The following PARP8 variants were observed in gnomAD, a reference collection of about 807,000 sequenced individuals.
PARP8 encodes protein mono-ADP-ribosyltransferase PARP8.
A neutral mutation model predicts 124.1 loss-of-function variants in PARP8; 51 were observed. The ratio of observed to expected loss-of-function variants is 0.41; its 90% CI spans 0.33 to 0.52. PARP8 has a LOEUF of 0.52. Ranked by LOEUF, PARP8 falls within the 20% of genes least tolerant of loss-of-function variation. PARP8 has a pLI of 0.21. For synonymous variants in PARP8, 391 were observed against 361.5 expected (o/e 1.08, Z -0.93); for missense variants, 860 against 1,018.9 (o/e 0.84, Z 2.12).
At chr5:50,776,954 C>T (rs1421625784) in intron 7 of PARP8, among the ~76,000 whole-genome samples, 2 of 152,154 alleles carry the variant, frequency 1.3e-5, no homozygotes, top group African/African-American at 2.4e-5. Flanking sequence ...CAACTTTTTT[C>T]ACATCTTTAA....
At chr5:50,701,109 CTTTACAGAT>C (rs1284891327) in intron 2 of PARP8, among the ~76,000 whole-genome samples, 6 of 152,058 alleles carry the variant, frequency 3.9e-5, no homozygotes, top group Admixed American at 3.3e-4. Flanking sequence ...TGTGAATTGA[CTTTACAGAT>C]TTTTAATCTT....
In PARP8 at chr5:50,846,022, C is replaced by T. The variant is rs1748584131; in HGVS notation, c.*3954C>T. 1 of 151,678 alleles carries T rather than the reference C, an allele frequency of 6.6e-6. No homozygotes were observed. Among genetic ancestry groups the T allele is most frequent in the Non-Finnish European group, 1.5e-5 (1 of 67,784 alleles). 9.4% of individuals were successfully genotyped at this position (151,678 alleles called of 1,614,324 possible). A position where few individuals can be genotyped will look rare whatever the true frequency, so the allele number is the denominator to read the frequency against. On this transcript the variant is annotated 3_prime_UTR_variant, in exon 26 of 26. Coordinates refer to ENST00000281631, the MANE Select transcript of PARP8 (RefSeq NM_024615.4). ...CAAGTAGTTTTTAGACAAAACATAT[C>T]CATGAGTGTGAAAAAAGCTGTGTTG...
intron 2 of PARP8, among the ~76,000 whole-genome samples, chr5:50,675,147 T>G (rs938193375): frequency 2.2e-4 from 34 of 152,294 alleles, no homozygotes; most frequent in Admixed American, 1.5e-3. Flanking sequence ...TGCAGTCAGG[T>G]CAAGTTTCTG....
chr5:50,762,276 T>C (rs536624601), intron 6 of PARP8, among the ~76,000 whole-genome samples: 11 of 152,162 alleles, frequency 7.2e-5, no homozygotes, highest in Non-Finnish European at 1.6e-4. Context: ...GGTTAACCTT[T>C]ATTAAATTTG....
chr5:50,810,126 C>T (rs1744277121), intron 14 of PARP8, among the ~76,000 whole-genome samples: 1 of 151,726 alleles, frequency 6.6e-6, no homozygotes, highest in Non-Finnish European at 1.5e-5. Context: ...AAATACATTC[C>T]TCATGCTTTT....
At chr5:50,825,089 A>G (rs1172154622) in intron 18 of PARP8, 114 bp downstream of exon 18, 10 of 843,374 alleles carry the variant, frequency 1.2e-5, no homozygotes, top group South Asian at 4.6e-5. Context: ...CTGCAATGCT[A>G]TAGTTCTACA....
At chr5:50,717,757 C>CTT (rs779955802) in intron 2 of PARP8, among the ~76,000 whole-genome samples, 1 of 151,922 alleles carries the variant, frequency 6.6e-6, no homozygotes, top group African/African-American at 2.4e-5. Flanking sequence ...AACAATGAAT[C>CTT]TTTGCACATG....
intron 2 of PARP8, among the ~76,000 whole-genome samples, chr5:50,749,593 AAATAG>A (rs1175821474): frequency 6.6e-6 from 1 of 152,138 alleles, no homozygotes; most frequent in Non-Finnish European, 1.5e-5. Flanking sequence ...ATCCTTATGA[AAATAG>A]AATAAAGTTT....
chr5:50,791,399 G>C (rs961228777), intron 10 of PARP8, among the ~76,000 whole-genome samples: 1 of 152,150 alleles, frequency 6.6e-6, no homozygotes, highest in Non-Finnish European at 1.5e-5. Flanking sequence ...CAGCGAGAAA[G>C]TGATAGAGTC....
At position 50,754,178 on chromosome 5, in the gene PARP8, CACAT is replaced by C. The variant is rs1168811090; in HGVS notation, c.184+3992_184+3995del. On this transcript the variant is annotated intron_variant, in intron 3 of 25. Coordinates refer to ENST00000281631, the MANE Select transcript of PARP8 (RefSeq NM_024615.4). ...ACACACACACACACACACACACACA[CACAT>C]ATATATATATTTTATTATACTTTAA... is the stretch of plus-strand genomic sequence containing the variant. Among the ~76,000 whole-genome samples, 233 of 32,272 alleles carry C rather than the reference CACAT, an allele frequency of 7.2e-3. 1 individual carries two copies. Among genetic ancestry groups the C allele is most frequent in the African/African-American group, 7.9e-3 (100 of 12,696 alleles). 21.2% of individuals were successfully genotyped at this position (32,272 alleles called of 152,430 possible).
At chr5:50,782,667 C>T (rs1009246529) in intron 9 of PARP8, among the ~76,000 whole-genome samples, 5 of 152,224 alleles carry the variant, frequency 3.3e-5, no homozygotes, top group African/African-American at 1.2e-4. Flanking sequence ...AAGAAGTTAC[C>T]ACCTTATTAA....
At chr5:50,687,813 C>A (rs1345453338) in intron 2 of PARP8, among the ~76,000 whole-genome samples, 1 of 152,164 alleles carries the variant, frequency 6.6e-6, no homozygotes, top group African/African-American at 2.4e-5. Context: ...GAACTGCCCC[C>A]ATGATTCAAT....
At chr5:50,811,689 A>G (rs768094903) in intron 14 of PARP8, among the ~76,000 whole-genome samples, 11 of 152,052 alleles carry the variant, frequency 7.2e-5, no homozygotes, top group East Asian at 1.9e-4. Flanking sequence ...TGCTGCACCC[A>G]TTAACTCATC....
intron 7 of PARP8, among the ~76,000 whole-genome samples, chr5:50,770,739 GAAAGA>G (rs919757561): frequency 2.0e-5 from 3 of 151,586 alleles, no homozygotes; most frequent in African/African-American, 7.3e-5. Flanking sequence ...GAAAGAAAGA[GAAAGA>G]AAAGAAAAGA....
chr5:50,821,357 A>G lies in PARP8; in HGVS notation c.1794+19A>G. On this transcript the variant is annotated intron_variant, in intron 16 of 25. Transcript: ENST00000281631. ...CCCCAGGGTAAGTTGTTATCATGGC[A>G]CACCAATCACAAAGTTTTCTTTAAC... is the stretch of plus-strand genomic sequence containing the variant. 2 of 1,613,210 alleles carry G rather than the reference A, an allele frequency of 1.2e-6. No individual in the cohort carries two copies. The highest frequency in any genetic ancestry group is 1.1e-5 in the South Asian group (1 of 91,062).
intron 2 of PARP8, among the ~76,000 whole-genome samples, chr5:50,735,957 C>CCG (rs1554052163): frequency 4.6e-5 from 3 of 64,560 alleles, no homozygotes; most frequent in Non-Finnish European, 8.1e-5. Flanking sequence ...CTAGGGGATT[C>CCG]CCCCCCCCCC....
intron 17 of PARP8, among the ~76,000 whole-genome samples, chr5:50,823,681 G>T (rs1467867701): frequency 6.6e-6 from 1 of 152,184 alleles, no homozygotes; most frequent in Non-Finnish European, 1.5e-5. Flanking sequence ...CCTAGACCTT[G>T]ATTATTTTTG....
rs1364182463 is a variant in PARP8, at chr5:50,794,894, C to T, written c.905C>T (p.Ser302Phe). ...YPPPGCGKSKSKLKSEQDGIS... is the reference protein window; with the variant it reads ...YPPPGCGKSKFKLKSEQDGIS... ...CCCCCTGGTTGTGGCAAAAGCAAAT[C>T]CAAACTGAAATCTGAGCAGGACGGA... The change falls in exon 12 of 26, where the codon TCC becomes TTC. Residue 302 changes from serine to phenylalanine, a missense_variant. By Grantham distance (155) the Ser-to-Phe change is radical (BLOSUM62 -2). Around this residue, in one of 2 missense-constraint regions of PARP8, gnomAD observed 517 missense variants for 544.2 expected, o/e 0.95. Coordinates refer to ENST00000281631, the MANE Select transcript of PARP8 (RefSeq NM_024615.4). The T allele has an allele frequency of 1.2e-6, 2 of 1,614,046 alleles. No homozygotes were observed. The highest frequency in any genetic ancestry group is 1.7e-6 in the Non-Finnish European group (2 of 1,180,002).
chr5:50,838,542 T>C (rs552947177), intron 25 of PARP8, among the ~76,000 whole-genome samples: 1 of 152,136 alleles, frequency 6.6e-6, no homozygotes, highest in African/African-American at 2.4e-5. Flanking sequence ...TAGAGTTAAC[T>C]AGGATTAATC....
Sources: gnomAD v4.1 joint callset for allele counts (sites outside exome capture counted in the v4.1 genomes callset) on GRCh38, gnomAD v4.1.1 for gene constraint, gnomAD v4.1.1 regional missense constraint, MANE v1.5 for transcripts, NCBI Gene and HGNC (gene_info 2026-07-23, HGNC 2026-07-21) for gene names.